PFKFB1: variants seen among roughly 807,000 people sequenced by gnomAD.
PFKFB1 encodes 6-phosphofructo-2-kinase/fructose-2,6-bisphosphatase 1.
PFKFB1 carries 34 observed loss-of-function variants against 46.4 expected under a neutral mutation model. The observed-to-expected ratio is 0.73, with a 90% CI of 0.56 to 0.98. The LOEUF is 0.98. Ranked by LOEUF, PFKFB1 falls within the 50% of genes least tolerant of loss-of-function variation. PFKFB1 has a pLI of 0.00. For missense variants in PFKFB1, 393 were observed against 376.3 expected (o/e 1.04, Z -0.37); for synonymous variants, 119 against 133.8 (o/e 0.89, Z 0.76).
chrX:54,984,922 C>T (rs973157277), intron 1 of PFKFB1, among the ~76,000 whole-genome samples: 1 of 110,702 alleles, frequency 9.0e-6, no homozygotes, highest in African/African-American at 3.3e-5. Flanking sequence ...TTCCATCTTG[C>T]TCACAGGGTA....
chrX:54,986,153 T>G (rs1237591296), intron 1 of PFKFB1, among the ~76,000 whole-genome samples: 1 of 111,696 alleles, frequency 9.0e-6, no homozygotes, highest in Admixed American at 9.5e-5. Context: ...AAGATAGGTT[T>G]TAGACTGAAA....
chrX:54,996,667 CA>C (rs1435740159), upstream of PFKFB1, among the ~76,000 whole-genome samples: 5 of 112,093 alleles, frequency 4.5e-5, no homozygotes, highest in African/African-American at 6.5e-5. Flanking sequence ...GCTTGGCACT[CA>C]AGACTTTTCA....
chrX:54,940,620 C>A (rs1459078177), intron 10 of PFKFB1, among the ~76,000 whole-genome samples: 7 of 111,462 alleles, frequency 6.3e-5, no homozygotes, highest in South Asian at 7.6e-4. Flanking sequence ...GAGCCAAATC[C>A]TGAGTGAACT....
chrX:54,983,800 C>T (rs1476146110), intron 1 of PFKFB1, among the ~76,000 whole-genome samples: 1 of 111,783 alleles, frequency 8.9e-6, no homozygotes, highest in African/African-American at 3.3e-5. Context: ...TATAAACATT[C>T]ACTTTCTTCT....
chrX:54,981,431 T>C (rs1602222888), intron 1 of PFKFB1, among the ~76,000 whole-genome samples: 1 of 111,631 alleles, frequency 9.0e-6, no homozygotes, highest in East Asian at 2.8e-4. Flanking sequence ...ATAATATTAC[T>C]GAAGTTCTAT....
intron 1 of PFKFB1, among the ~76,000 whole-genome samples, chrX:54,988,200 T>C (rs754364198): frequency 1.8e-5 from 2 of 111,436 alleles, no homozygotes; most frequent in South Asian, 3.7e-4. Flanking sequence ...AAAGTAGCCA[T>C]GAGCAAACAA....
chrX:54,949,074 C>T lies in PFKFB1; in HGVS notation c.993+1G>A. The T allele has an allele frequency of 1.7e-6, 2 of 1,210,644 alleles. No individual in the cohort carries two copies. Among genetic ancestry groups the T allele is most frequent in the Non-Finnish European group, 2.2e-6 (2 of 894,692 alleles). ...CAGGAGATTCACCCCATGCATCTCA[C>T]CGCATCAATCTCATTCAGGGCCTTC... On this transcript the variant is annotated splice_donor_variant, in intron 9 of 13. Coordinates refer to ENST00000375006, the MANE Select transcript of PFKFB1 (RefSeq NM_002625.4). LOFTEE classifies it high-confidence loss of function.
chrX:54,988,522 A>T (rs1385519900), intron 1 of PFKFB1, among the ~76,000 whole-genome samples: 1 of 111,917 alleles, frequency 8.9e-6, no homozygotes, highest in Non-Finnish European at 1.9e-5. Flanking sequence ...AATAGCCAAA[A>T]CAATCATAAA....
intron 10 of PFKFB1, among the ~76,000 whole-genome samples, chrX:54,943,241 T>C (rs772340104): frequency 2.1e-3 from 235 of 111,437 alleles, no homozygotes; most frequent in Non-Finnish European, 3.7e-3. Flanking sequence ...ACCTTAAAAG[T>C]AGCCAGAGAG....
chrX:54,950,642 T>G (rs907555553), intron 8 of PFKFB1, among the ~76,000 whole-genome samples: 5 of 112,076 alleles, frequency 4.5e-5, no homozygotes, highest in Admixed American at 9.3e-5. Flanking sequence ...CCGGGCTGGC[T>G]CCACCCAAGA....
At chrX:54,937,770 A>C (rs1271500348) in intron 10 of PFKFB1, 46 bp from the exon 11 acceptor site, 1 of 1,140,306 alleles carries the variant, frequency 8.8e-7, no homozygotes, top group Non-Finnish European at 1.2e-6. Context: ...GATGAGGCAC[A>C]TTTGCCCAGA....
intron 1 of PFKFB1, among the ~76,000 whole-genome samples, chrX:54,980,115 C>A (rs1340831925): frequency 9.0e-6 from 1 of 111,399 alleles, no homozygotes; most frequent in African/African-American, 3.3e-5. Context: ...ATGACCAAAG[C>A]TTCAGCCAAT....
intron 1 of PFKFB1, among the ~76,000 whole-genome samples, chrX:54,974,637 A>G (rs937909050): frequency 8.9e-6 from 1 of 112,325 alleles, no homozygotes; most frequent in Non-Finnish European, 1.9e-5. Context: ...TCTGTGCAGT[A>G]GAAGAAATAA....
In PFKFB1 at chrX:54,983,855, C is replaced by A. The variant is rs773937097; in HGVS notation, c.97+10056G>T. Among the ~76,000 whole-genome samples, 8 of 111,580 alleles carry A rather than the reference C, an allele frequency of 7.2e-5. No homozygotes were observed. In the South Asian group the frequency reaches 1.9e-3, roughly 26 times the overall value. On this transcript the variant is annotated intron_variant, in intron 1 of 13. Coordinates refer to ENST00000375006, the MANE Select transcript of PFKFB1 (RefSeq NM_002625.4). ...TTATTTTTTGACTTTTTTATGATAGCCATTCTGACTGGTGTGAGATGGTAT... is the reference window on the plus strand; with the variant it reads ...TTATTTTTTGACTTTTTTATGATAGACATTCTGACTGGTGTGAGATGGTAT...
At chrX:54,957,651 C>T (rs1484330214) in intron 6 of PFKFB1, among the ~76,000 whole-genome samples, 9 of 110,842 alleles carry the variant, frequency 8.1e-5, no homozygotes, top group Admixed American at 1.9e-4. Flanking sequence ...TTGACTGGAC[C>T]GCATTTGTTG....
upstream of PFKFB1, among the ~76,000 whole-genome samples, chrX:54,997,225 TTGTC>T: frequency 8.9e-6 from 1 of 111,830 alleles, no homozygotes; most frequent in South Asian, 3.8e-4. Context: ...GAGAACTAAT[TTGTC>T]TGAGGTAGGA....
chrX:54,936,844 A>G (rs1644967163), intron 11 of PFKFB1, among the ~76,000 whole-genome samples: 2 of 111,903 alleles, frequency 1.8e-5, no homozygotes, highest in Admixed American at 9.5e-5. Context: ...CAAGACTGTA[A>G]AACAGTGTAG....
intron 2 of PFKFB1, among the ~76,000 whole-genome samples, chrX:54,961,504 G>A (rs1238065780): frequency 8.9e-6 from 1 of 111,935 alleles, no homozygotes; most frequent in Non-Finnish European, 1.9e-5. Flanking sequence ...GAAAGGAGGA[G>A]AAAGAAGATA....
intron 1 of PFKFB1, among the ~76,000 whole-genome samples, chrX:54,981,213 C>T (rs1045444704): frequency 9.0e-6 from 1 of 110,757 alleles, no homozygotes; most frequent in Non-Finnish European, 1.9e-5. Flanking sequence ...AGATACCAGT[C>T]CTCAAGTTAG....
Sources: gnomAD v4.1 joint callset for allele counts (sites outside exome capture counted in the v4.1 genomes callset) on GRCh38, gnomAD v4.1.1 for gene constraint, MANE v1.5 for transcripts, NCBI Gene and HGNC (gene_info 2026-07-23, HGNC 2026-07-21) for gene names.